HSPA12A: variants seen among roughly 807,000 people sequenced by gnomAD.
The protein encoded by HSPA12A is heat shock 70 kDa protein 12A.
Under a neutral mutation model 69.2 loss-of-function variants are expected in HSPA12A, and 28 were observed. The ratio of observed to expected loss-of-function variants is 0.40; its 90% CI spans 0.30 to 0.55. The LOEUF (loss-of-function observed/expected upper bound fraction) is 0.55. Among genes scored for constraint, HSPA12A ranks in the 20% least tolerant of loss-of-function variants. The probability of loss-of-function intolerance (pLI) is 0.38; values close to 1 mark genes in which losing one functional copy is unlikely to be tolerated. For synonymous variants in HSPA12A, 345 were observed against 370.5 expected (o/e 0.93, Z 0.79); for missense variants, 686 against 900.7 (o/e 0.76, Z 3.05).
upstream of HSPA12A, among the ~76,000 whole-genome samples, chr10:116,745,804 A>C (rs116393170): frequency 7.1e-3 from 1,082 of 151,704 alleles, 11 homozygotes; most frequent in African/African-American, 0.024. Context: ...TCTGTGCCCA[A>C]CCCCCCATCA....
At chr10:116,827,030 A>G (rs1288934715) in intron 2 of HSPA12A, among the ~76,000 whole-genome samples, 1 of 152,210 alleles carries the variant, frequency 6.6e-6, no homozygotes, top group African/African-American at 2.4e-5. Context: ...TGACTCCAGA[A>G]GCCAGCAGGG....
chr10:116,719,481 AC>A (rs1403620029), intron 1 of HSPA12A, among the ~76,000 whole-genome samples: 3 of 152,224 alleles, frequency 2.0e-5, no homozygotes, highest in Non-Finnish European at 4.4e-5. Context: ...GGGCCCCTGG[AC>A]TTCCCATTCT....
chr10:116,743,116 G>A (rs891677610), upstream of HSPA12A, among the ~76,000 whole-genome samples: 62 of 152,326 alleles, frequency 4.1e-4, no homozygotes, highest in Non-Finnish European at 7.6e-4. Flanking sequence ...CCGAGCCCGG[G>A]GCACCGCCTC....
chr10:116,821,967 A>T (rs982215259), intron 2 of HSPA12A, among the ~76,000 whole-genome samples: 9 of 152,272 alleles, frequency 5.9e-5, no homozygotes, highest in African/African-American at 9.6e-5. Context: ...ATCCGAATTA[A>T]ATGAGATAAT....
upstream of HSPA12A, among the ~76,000 whole-genome samples, chr10:116,744,768 G>A (rs1851612340): frequency 6.6e-6 from 1 of 152,202 alleles, no homozygotes; most frequent in South Asian, 2.1e-4. Context: ...CGGTTTTGCA[G>A]GAGAGGAAAA....
intron 2 of HSPA12A, among the ~76,000 whole-genome samples, chr10:116,825,512 A>AAAAC (rs910526506): frequency 2.6e-5 from 4 of 152,162 alleles, no homozygotes; most frequent in East Asian, 3.9e-4. Context: ...CTCTGTCTCA[A>AAAAC]AAACAAACAA....
chr10:116,828,206 G>T (rs1039967233), intron 2 of HSPA12A, among the ~76,000 whole-genome samples: 2 of 152,178 alleles, frequency 1.3e-5, no homozygotes, highest in Admixed American at 6.5e-5. Flanking sequence ...TCCAAATGTG[G>T]TATGTTTCAT....
At chr10:116,793,834 GA>G (rs1397498587) in intron 2 of HSPA12A, among the ~76,000 whole-genome samples, 1 of 151,574 alleles carries the variant, frequency 6.6e-6, no homozygotes, top group South Asian at 2.1e-4. Context: ...GAAAAGGAGA[GA>G]AAAAGAAAAA....
upstream of HSPA12A, among the ~76,000 whole-genome samples, chr10:116,746,585 TG>T (rs1851654784): frequency 6.6e-6 from 1 of 152,204 alleles, no homozygotes; most frequent in African/African-American, 2.4e-5. Context: ...TTTCCTCACC[TG>T]TCAAAAGGGC....
chr10:116,777,745 T>G (rs1307727377), intron 2 of HSPA12A, among the ~76,000 whole-genome samples: 1 of 152,262 alleles, frequency 6.6e-6, no homozygotes, highest in African/African-American at 2.4e-5. Flanking sequence ...TGTTTTGTTT[T>G]GAGACGGAGT....
At chr10:116,738,285 C>T (rs148722308) in intron 1 of HSPA12A, among the ~76,000 whole-genome samples, 1 of 152,296 alleles carries the variant, frequency 6.6e-6, no homozygotes, top group East Asian at 1.9e-4. Flanking sequence ...AAGATGTAGA[C>T]GCCATTGCCC....
chr10:116,714,051 GTGGA>G (rs1253781502), intron 1 of HSPA12A, among the ~76,000 whole-genome samples: 2 of 151,026 alleles, frequency 1.3e-5, no homozygotes, highest in Non-Finnish European at 3.0e-5. Context: ...TGGATGGTGG[GTGGA>G]TGGATGGATA....
intron 10 of HSPA12A, among the ~76,000 whole-genome samples, chr10:116,678,167 C>G (rs1231388776): frequency 1.3e-5 from 2 of 151,630 alleles, no homozygotes; most frequent in Non-Finnish European, 2.9e-5. Flanking sequence ...GGAGCCACCC[C>G]TAATGCATTA....
chr10:116,683,081 C>T (rs1554878928), intron 7 of HSPA12A, among the ~76,000 whole-genome samples: 2 of 151,732 alleles, frequency 1.3e-5, no homozygotes, highest in Non-Finnish European at 1.5e-5. Flanking sequence ...CAACAGTGCC[C>T]GGCGCCACCC....
intron 1 of HSPA12A, among the ~76,000 whole-genome samples, chr10:116,740,438 A>C (rs1245870985): frequency 2.6e-5 from 4 of 152,208 alleles, no homozygotes; most frequent in African/African-American, 9.7e-5. Flanking sequence ...AGGCACAGTG[A>C]GCTGCCAGGG....
At position 116,698,661 on chromosome 10, in the gene HSPA12A, G is replaced by A; in HGVS notation, c.520C>T (p.Gln174Ter). The change falls in exon 5 of 12, where the codon CAG becomes TAG. Residue 174 changes from glutamine (Q) to a stop codon, truncating the protein, a stop_gained. Coordinates refer to ENST00000369209, the MANE Select transcript of HSPA12A (RefSeq NM_025015.3). LOFTEE classifies it high-confidence loss of function. ...KALEIFAYAL[Q>*]YFKEQALKEL... ...TTCAGCGCCTGCTCCTTAAAGTACT[G>A]CAGGGCATAAGCAAAGATTTCAAGG... The A allele has an allele frequency of 6.2e-7, 1 of 1,613,864 alleles. No individual in the cohort carries two copies. The highest frequency in any genetic ancestry group is 8.5e-7 in the Non-Finnish European group (1 of 1,179,778).
At chr10:116,776,383 G>A (rs1370150348) in intron 2 of HSPA12A, among the ~76,000 whole-genome samples, 2 of 152,144 alleles carry the variant, frequency 1.3e-5, no homozygotes, top group African/African-American at 2.4e-5. Context: ...CTGCCTTCCT[G>A]TCTCCCAGGA....
chr10:116,838,549 T>G (rs1025784405), intron 1 of HSPA12A, among the ~76,000 whole-genome samples: 1 of 152,086 alleles, frequency 6.6e-6, no homozygotes, highest in Non-Finnish European at 1.5e-5. Flanking sequence ...CCCTTTTTGG[T>G]TTATTTGTAC....
chr10:116,818,756 G>A (rs1845354392), intron 2 of HSPA12A, among the ~76,000 whole-genome samples: 1 of 152,186 alleles, frequency 6.6e-6, no homozygotes, highest in Non-Finnish European at 1.5e-5. Flanking sequence ...CAAGGGACAT[G>A]GGAGTATGTG....
Sources: gnomAD v4.1 joint callset for allele counts (sites outside exome capture counted in the v4.1 genomes callset) on GRCh38, gnomAD v4.1.1 for gene constraint, MANE v1.5 for transcripts, NCBI Gene and HGNC (gene_info 2026-07-23, HGNC 2026-07-21) for gene names.